The following CTNNA2 variants were observed in gnomAD, a reference collection of about 807,000 sequenced individuals.
CTNNA2 encodes the protein catenin alpha-2.
Under a neutral mutation model 101.0 loss-of-function variants are expected in CTNNA2, and 42 were observed. That is an observed-to-expected ratio of 0.42 (90% CI 0.32 to 0.54). CTNNA2 has a LOEUF of 0.54. CTNNA2 is among the 20% of genes least tolerant of loss of function. CTNNA2 has a pLI of 0.14. For synonymous variants in CTNNA2, 450 were observed against 456.4 expected, an observed-to-expected ratio of 0.99 and a Z score of 0.18; for missense variants, 871 against 1,223.1, an observed-to-expected ratio of 0.71 and a Z score of 4.29.
intron 9 of CTNNA2, among the ~76,000 whole-genome samples, chr2:80,477,042 A>G (rs1685783282): frequency 6.6e-6 from 1 of 152,208 alleles, no homozygotes. Flanking sequence ...TATTTAGAGT[A>G]TATTGGGTTG....
At chr2:79,941,391 G>A (rs1367367605) in intron 7 of CTNNA2, among the ~76,000 whole-genome samples, 1 of 152,142 alleles carries the variant, frequency 6.6e-6, no homozygotes, top group Non-Finnish European at 1.5e-5. Flanking sequence ...GAGTGCTCCA[G>A]CAGCAACCAT....
At position 79,958,226 on chromosome 2, in the gene CTNNA2, A is replaced by C. The variant is rs1035259718; in HGVS notation, c.1056+48429A>C. Among the ~76,000 whole-genome samples, 16 of 151,938 alleles carry C rather than the reference A, an allele frequency of 1.1e-4. No homozygotes were observed. In the East Asian group the frequency reaches 3.1e-3, roughly 29 times the overall value. On this transcript the variant is annotated intron_variant, in intron 7 of 18. Transcript: ENST00000402739. The stretch of plus-strand genomic sequence containing the variant: ...AGCACTTTTTTCCTTTTTCTTTTTT[A>C]ACCTTGTACATTAGGCAGAACAGAC...
chr2:79,829,693 C>CTTTCTTATTTAT (rs1291933445), intron 3 of CTNNA2, among the ~76,000 whole-genome samples: 2 of 144,616 alleles, frequency 1.4e-5, no homozygotes, highest in African/African-American at 5.1e-5. Flanking sequence ...CTTTTTCTTT[C>CTTTCTTATTTAT]TTATTTATTT....
intron 3 of CTNNA2, among the ~76,000 whole-genome samples, chr2:79,830,635 A>G (rs1026731769): frequency 2.6e-5 from 4 of 152,186 alleles, no homozygotes; most frequent in Admixed American, 2.6e-4. Flanking sequence ...TAATGAAAGC[A>G]ATATGGCTTC....
intron 6 of CTNNA2, among the ~76,000 whole-genome samples, chr2:79,876,905 A>G (rs1683064753): frequency 6.6e-6 from 1 of 152,160 alleles, no homozygotes; most frequent in Admixed American, 6.5e-5. Context: ...TAACACATGA[A>G]TATAACCATC....
chr2:80,154,652 AATCCCC>A (rs923445260), intron 7 of CTNNA2, among the ~76,000 whole-genome samples: 4 of 152,076 alleles, frequency 2.6e-5, no homozygotes, highest in African/African-American at 9.7e-5. Flanking sequence ...GAAACTACCT[AATCCCC>A]ATCCCAGTGG....
chr2:79,187,541 A>G (rs569757167), intron 1 of CTNNA2, among the ~76,000 whole-genome samples: 2 of 152,114 alleles, frequency 1.3e-5, no homozygotes, highest in East Asian at 3.8e-4. Flanking sequence ...TTGGTCACAC[A>G]TGGAGAAACT....
intron 3 of CTNNA2, among the ~76,000 whole-genome samples, chr2:79,832,428 G>A (rs1678996904): frequency 6.6e-6 from 1 of 152,124 alleles, no homozygotes; most frequent in Admixed American, 6.6e-5. Context: ...TCCACCTGAG[G>A]ATGCTAATTT....
chr2:80,339,245 T>A (rs1221605806), intron 7 of CTNNA2, among the ~76,000 whole-genome samples: 1 of 152,178 alleles, frequency 6.6e-6, no homozygotes, highest in African/African-American at 2.4e-5. Context: ...AACTCTCTTT[T>A]GCAAGGAATA....
chr2:79,500,420 T>G (rs937326582), intron 4 of CTNNA2, among the ~76,000 whole-genome samples: 1 of 152,204 alleles, frequency 6.6e-6, no homozygotes, highest in African/African-American at 2.4e-5. Context: ...CGAGTCAAAC[T>G]TTTATATTCA....
At chr2:79,843,588 C>T (rs927097798) in intron 3 of CTNNA2, among the ~76,000 whole-genome samples, 9 of 152,196 alleles carry the variant, frequency 5.9e-5, no homozygotes, top group Non-Finnish European at 1.3e-4. Flanking sequence ...TAGGTTTCTG[C>T]TCAGTAATGC....
intron 1 of CTNNA2, among the ~76,000 whole-genome samples, chr2:79,636,130 C>T (rs1252834817): frequency 1.3e-5 from 2 of 149,640 alleles, no homozygotes; most frequent in Admixed American, 1.3e-4. Flanking sequence ...ATTAGCCGGG[C>T]GTGGTGGCGG....
intron 7 of CTNNA2, among the ~76,000 whole-genome samples, chr2:80,331,027 T>G (rs988585205): frequency 6.6e-6 from 1 of 151,946 alleles, no homozygotes; most frequent in Non-Finnish European, 1.5e-5. Context: ...GTATGTTTTT[T>G]TTTTTTTTTT....
chr2:79,350,772 C>T (rs191705877), intron 3 of CTNNA2, among the ~76,000 whole-genome samples: 78 of 152,260 alleles, frequency 5.1e-4, no homozygotes, highest in African/African-American at 1.9e-3. Flanking sequence ...TAGTCATTCC[C>T]TTTCCTCTGC....
chr2:80,373,017 A>G (rs1194991714), intron 7 of CTNNA2, among the ~76,000 whole-genome samples: 1 of 152,212 alleles, frequency 6.6e-6, no homozygotes, highest in Non-Finnish European at 1.5e-5. Flanking sequence ...CATTTAGACT[A>G]CAAGCTTTAG....
intron 2 of CTNNA2, among the ~76,000 whole-genome samples, chr2:79,698,333 A>T (rs1266535414): frequency 6.6e-6 from 1 of 152,028 alleles, no homozygotes; most frequent in Non-Finnish European, 1.5e-5. Flanking sequence ...TAGACAGTAA[A>T]TTGGAAGTGG....
intron 8 of CTNNA2, among the ~76,000 whole-genome samples, chr2:80,397,659 C>A (rs1001701984): frequency 6.6e-6 from 1 of 152,166 alleles, no homozygotes; most frequent in Non-Finnish European, 1.5e-5. Flanking sequence ...GCCTCCCCAA[C>A]CTTGTGGAGT....
At chr2:80,169,755 C>T (rs968235240) in intron 7 of CTNNA2, among the ~76,000 whole-genome samples, 27 of 152,190 alleles carry the variant, frequency 1.8e-4, no homozygotes, top group African/African-American at 6.5e-4. Context: ...GCTGCTCCTG[C>T]TCTTGCATGG....
chr2:80,082,082 A>G (rs765736258), intron 7 of CTNNA2, among the ~76,000 whole-genome samples: 12 of 152,096 alleles, frequency 7.9e-5, no homozygotes, highest in Admixed American at 6.6e-5. Flanking sequence ...GAGGGTTCCA[A>G]TATCTGGTTG....
Sources: allele counts gnomAD v4.1 joint callset (sites outside exome capture counted in the v4.1 genomes callset), GRCh38; gene constraint gnomAD v4.1.1; transcripts MANE v1.5; gene names NCBI Gene and HGNC (gene_info 2026-07-23, HGNC 2026-07-21).